CEMIP2: variants seen among roughly 807,000 people sequenced by gnomAD.
The protein encoded by CEMIP2 is cell surface hyaluronidase CEMIP2.
Under a neutral mutation model 146.9 loss-of-function variants are expected in CEMIP2, and 79 were observed. The ratio of observed to expected loss-of-function variants is 0.54; its 90% confidence interval spans 0.45 to 0.65. CEMIP2 has a LOEUF of 0.65. CEMIP2 is among the 30% of genes least tolerant of loss of function. The pLI is 0.00. For missense variants in CEMIP2, 1,596 were observed against 1,696.2 expected (o/e 0.94, Z 1.04); for synonymous variants, 601 against 606.3 (o/e 0.99, Z 0.13).
chr9:71,702,785 C>T (rs1215727496), intron 18 of CEMIP2, among the ~76,000 whole-genome samples: 6 of 152,166 alleles, frequency 3.9e-5, no homozygotes, highest in Admixed American at 3.9e-4. Context: ...ACAAGTATGA[C>T]TGAATTTCAT....
chr9:71,693,536 T>C (rs1424864157), intron 21 of CEMIP2, among the ~76,000 whole-genome samples: 1 of 152,238 alleles, frequency 6.6e-6, no homozygotes, highest in East Asian at 1.9e-4. Flanking sequence ...AACTTTCATT[T>C]CCCATATCTT....
At chr9:71,722,650 A>T (rs1451306216) in intron 11 of CEMIP2, 135 bp from the exon 12 acceptor site, 4 of 517,532 alleles carry the variant, frequency 7.7e-6, no homozygotes, top group Admixed American at 4.7e-5. Context: ...CAGCAAAGGT[A>T]CTGTAAAAAA....
rs1231815157 is a variant in CEMIP2 at position 71,684,726 on chromosome 9, TGCCCAGAAACAGG to T, written c.*458_*470del. ...AATATCATAGAAAATCCTCAAAGGC[TGCCCAGAAACAGG>T]GCCCCAGGCACTGCTGAACATGCCA... On this transcript the variant is annotated 3_prime_UTR_variant, in exon 24 of 24. Transcript: ENST00000377044. The T allele has an allele frequency of 6.5e-6, 1 of 154,194 alleles. No homozygotes were observed. The highest frequency in any genetic ancestry group is 2.4e-5 in the African/African-American group (1 of 41,526). 9.6% of individuals were successfully genotyped at this position (154,194 alleles called of 1,614,324 possible). A position where few individuals can be genotyped will look rare whatever the true frequency, so the allele number is the denominator to read the frequency against.
chr9:71,745,448 T>C lies in CEMIP2; in HGVS notation c.604A>G (p.Ile202Val). ...EKCRYKSKAT[I>V]TLYGKSDEGE... Reference sequence around the variant, plus strand: ...TCATCTGACTTGCCATACAAGGTAATTGTCGCTTTGGATTTATAGCGGCAT... The same window carrying C: ...TCATCTGACTTGCCATACAAGGTAACTGTCGCTTTGGATTTATAGCGGCAT... Residue 202 changes from isoleucine (I) to valine (V), a missense_variant, in exon 4 of 24, where the codon ATT (isoleucine) becomes GTT (valine). Physicochemically the swap from Ile to Val is conservative, Grantham distance 29. Coordinates refer to ENST00000377044, the MANE Select transcript of CEMIP2 (RefSeq NM_013390.3). The C allele has an allele frequency of 6.2e-7, 1 of 1,614,144 alleles. No homozygotes were observed. Among genetic ancestry groups the C allele is most frequent in the Non-Finnish European group, 8.5e-7 (1 of 1,180,012 alleles).
intron 5 of CEMIP2, among the ~76,000 whole-genome samples, chr9:71,737,169 AAAAAG>A (rs1386118982): frequency 2.7e-5 from 4 of 149,256 alleles, no homozygotes; most frequent in Non-Finnish European, 6.0e-5. Context: ...AAAAAAAAAA[AAAAAG>A]AAAGAAAGAA....
chr9:71,697,241 A>G (rs530216788), intron 20 of CEMIP2, among the ~76,000 whole-genome samples: 2 of 152,242 alleles, frequency 1.3e-5, no homozygotes, highest in South Asian at 4.1e-4. Context: ...CCCTTAGCCC[A>G]TATTTGTTTG....
rs770425173 is a variant in CEMIP2 at position 71,745,366 on chromosome 9, G to A, written c.686C>T (p.Thr229Ile). 1 of 1,614,036 alleles carries A rather than the reference G, an allele frequency of 6.2e-7. No individual in the cohort carries two copies. Among genetic ancestry groups the A allele is most frequent in the Non-Finnish European group, 8.5e-7 (1 of 1,179,934 alleles). The change falls in exon 4 of 24, where the codon ACA becomes ATA. Residue 229 changes from threonine (T) to isoleucine (I), a missense_variant. Transcript: ENST00000377044. ...KKFIGVEAGG[T>I]LELHGARKAS... Reference sequence around the variant, plus strand: ...CTTCCGTGCCCCATGTAACTCCAGTGTCCCGCCAGCTTCCACACCAATAAA... The same window carrying A: ...CTTCCGTGCCCCATGTAACTCCAGTATCCCGCCAGCTTCCACACCAATAAA...
intron 21 of CEMIP2, among the ~76,000 whole-genome samples, 166 bp downstream of exon 21, chr9:71,694,343 G>C (rs1177006453): frequency 6.6e-6 from 1 of 152,034 alleles, no homozygotes; most frequent in Non-Finnish European, 1.5e-5. Context: ...AGCCAGGATG[G>C]TCTCGATCTA....
At position 71,750,237 on chromosome 9, in the gene CEMIP2, G is replaced by A. The variant is rs147033597; in HGVS notation, c.137C>T (p.Ser46Leu). 1 of 1,613,988 alleles carries A rather than the reference G, an allele frequency of 6.2e-7. No individual in the cohort carries two copies. The highest frequency in any genetic ancestry group is 8.5e-7 in the Non-Finnish European group (1 of 1,180,008). The change falls in exon 2 of 24, where the codon TCA becomes TTA. Residue 46 changes from serine to leucine, a missense_variant. By Grantham distance (145) the Ser-to-Leu change is moderately radical. Coordinates refer to ENST00000377044, the MANE Select transcript of CEMIP2 (RefSeq NM_013390.3). ...TCGTCTGATGGAGGTAAATTTGGCTGAAGCTTGACTCTTTGGAGGAGGAGG... is the reference window on the plus strand; with the variant it reads ...TCGTCTGATGGAGGTAAATTTGGCTAAAGCTTGACTCTTTGGAGGAGGAGG... Reference protein sequence around the residue: ...RPPPPPKSQASAKFTSIRRED... With the variant: ...RPPPPPKSQALAKFTSIRRED...
chr9:71,728,576 CA>C (rs936999962), intron 10 of CEMIP2, among the ~76,000 whole-genome samples: 92 of 151,568 alleles, frequency 6.1e-4, no homozygotes, highest in African/African-American at 2.2e-3. Flanking sequence ...CAAACTTATC[CA>C]GGGGACATTT....
intron 4 of CEMIP2, among the ~76,000 whole-genome samples, chr9:71,744,462 AC>A (rs1308720418): frequency 1.1e-4 from 17 of 152,366 alleles, no homozygotes; most frequent in African/African-American, 4.1e-4. Flanking sequence ...TAGCCCTTTA[AC>A]TTTTTCCTTC....
chr9:71,691,221 T>A (rs1822216352), intron 21 of CEMIP2, among the ~76,000 whole-genome samples: 1 of 152,102 alleles, frequency 6.6e-6, no homozygotes, highest in African/African-American at 2.4e-5. Context: ...TCACCTGAGG[T>A]TAGGAGTTCA....
chr9:71,749,507 A>T (rs1269994700), intron 2 of CEMIP2, among the ~76,000 whole-genome samples: 1 of 152,002 alleles, frequency 6.6e-6, no homozygotes, highest in African/African-American at 2.4e-5. Flanking sequence ...GGAGTTCGAG[A>T]CCAGCCTGGC....
intron 21 of CEMIP2, among the ~76,000 whole-genome samples, chr9:71,694,111 ATTTATTTAT>A (rs1174830155): frequency 1.4e-5 from 1 of 71,386 alleles, no homozygotes; most frequent in South Asian, 5.9e-4. Context: ...TTATTTATTT[ATTTATTTAT>A]TTATTTATTT....
intron 14 of CEMIP2, among the ~76,000 whole-genome samples, chr9:71,715,617 C>T (rs1278333676): frequency 1.7e-4 from 12 of 72,570 alleles, no homozygotes; most frequent in Non-Finnish European, 3.2e-4. Flanking sequence ...TACATATATC[C>T]CTCTTAAGAT....
At chr9:71,742,597 A>C (rs1823954735) in intron 4 of CEMIP2, among the ~76,000 whole-genome samples, 1 of 152,242 alleles carries the variant, frequency 6.6e-6, no homozygotes. Context: ...AGGAATTTAG[A>C]AACCAGTAGG....
In CEMIP2 at chr9:71,745,517, T is replaced by C. The variant is rs1289733789; in HGVS notation, c.535A>G (p.Ile179Val). ...SRNITLRTHY[I>V]LIQDGGALHI... The stretch of plus-strand genomic sequence containing the variant: ...AGCGCCCCACCATCCTGGATCAGGA[T>C]GTAATGAGTCCTCAAAGTAATATTT... Residue 179 changes from isoleucine to valine, a missense_variant, in exon 4 of 24, where the codon ATC becomes GTC. By Grantham distance (29) the Ile-to-Val change is conservative. Transcript: ENST00000377044. 6.2e-7 allele frequency: 1 copy of C among 1,613,736 alleles called. No homozygotes were observed. Among genetic ancestry groups the C allele is most frequent in the South Asian group, 1.1e-5 (1 of 91,084 alleles).
At chr9:71,759,873 A>G (rs1413466162) in intron 1 of CEMIP2, among the ~76,000 whole-genome samples, 1 of 151,712 alleles carries the variant, frequency 6.6e-6, no homozygotes, top group African/African-American at 2.4e-5. Flanking sequence ...GTAGTAGGGG[A>G]AAAGTCTCTC....
At position 71,714,925 on chromosome 9, in the gene CEMIP2, A is replaced by G. The variant is rs749199145; in HGVS notation, c.2591+9T>C. 1.2e-6 allele frequency: 2 copies of G among 1,610,382 alleles called. No individual in the cohort carries two copies. The highest frequency in any genetic ancestry group is 1.7e-5 in the Admixed American group (1 of 59,160). ...AAATTTAACACTCCACAGCTAAAGC[A>G]ATGCTTACCTGTTCCTGGGTAATGT... On this transcript the variant is annotated intron_variant, in intron 15 of 23. Transcript: ENST00000377044.
Sources: allele counts gnomAD v4.1 joint callset (sites outside exome capture counted in the v4.1 genomes callset), GRCh38; gene constraint gnomAD v4.1.1; transcripts MANE v1.5; gene names NCBI Gene and HGNC (gene_info 2026-07-23, HGNC 2026-07-21).